DGKB: variants seen among roughly 807,000 people sequenced by gnomAD.
DGKB encodes the protein diacylglycerol kinase beta.
DGKB carries 67 observed loss-of-function variants against 114.3 expected under a neutral mutation model. The observed-to-expected ratio is 0.59, with a 90% CI of 0.48 to 0.72. The LOEUF (loss-of-function observed/expected upper bound fraction) is 0.72. DGKB is among the 30% of genes least tolerant of loss of function. The probability of loss-of-function intolerance (pLI) is 0.00; values close to 1 mark genes in which losing one functional copy is unlikely to be tolerated. For synonymous variants in DGKB, 398 were observed against 323.1 expected, an observed-to-expected ratio of 1.23 and a Z score of -2.49; for missense variants, 907 against 975.2, an observed-to-expected ratio of 0.93 and a Z score of 0.93.
At chr7:14,837,989 C>T (rs917624571) in intron 2 of DGKB, among the ~76,000 whole-genome samples, 1 of 152,102 alleles carries the variant, frequency 6.6e-6, no homozygotes, top group Admixed American at 6.5e-5. Flanking sequence ...GTTAATTTGT[C>T]TTCTCATAGA....
intron 23 of DGKB, among the ~76,000 whole-genome samples, chr7:14,198,701 C>G (rs934250947): frequency 6.6e-6 from 1 of 151,858 alleles, no homozygotes; most frequent in African/African-American, 2.4e-5. Flanking sequence ...GAAGAGATAT[C>G]AAAATATTTC....
At chr7:14,932,850 A>C (rs1469238699) in intron 1 of DGKB, among the ~76,000 whole-genome samples, 1 of 152,120 alleles carries the variant, frequency 6.6e-6, no homozygotes, top group African/African-American at 2.4e-5. Flanking sequence ...ACCTAGTGGG[A>C]GGCTGGGGGA....
intron 5 of DGKB, among the ~76,000 whole-genome samples, chr7:14,735,137 A>G (rs1831521065): frequency 6.6e-6 from 1 of 152,194 alleles, no homozygotes; most frequent in South Asian, 2.1e-4. Flanking sequence ...GCTCCCTGCT[A>G]AGCAATCTGG....
intron 20 of DGKB, among the ~76,000 whole-genome samples, chr7:14,547,929 G>A (rs1450952391): frequency 1.3e-5 from 2 of 152,106 alleles, no homozygotes; most frequent in Non-Finnish European, 2.9e-5. Context: ...TATGAAAAAT[G>A]TTTGCCACAT....
At chr7:14,592,063 G>T (rs1442648332) in intron 17 of DGKB, among the ~76,000 whole-genome samples, 2 of 151,598 alleles carry the variant, frequency 1.3e-5, no homozygotes, top group African/African-American at 4.8e-5. Context: ...GTATGGGTTA[G>T]AAATAGATTA....
chr7:14,612,489 T>C (rs537961880), intron 16 of DGKB, among the ~76,000 whole-genome samples: 1 of 152,164 alleles, frequency 6.6e-6, no homozygotes, highest in South Asian at 2.1e-4. Flanking sequence ...GATTCAATAA[T>C]GAAAAGCATT....
chr7:14,752,181 G>A lies in DGKB; in HGVS notation c.168+1747C>T, dbSNP rs149672467. On this transcript the variant is annotated intron_variant, in intron 4 of 25. Coordinates refer to ENST00000402815, the MANE Select transcript of DGKB (RefSeq NM_001350709.2). ...TTCCATAATGGAAAGGGTTGAATTT[G>A]GTTCTAGAAGGATAATTATAGATTA... Among the ~76,000 whole-genome samples the A allele has an allele frequency of 5.4e-4, 82 of 152,112 alleles. No individual in the cohort carries two copies. In the East Asian group the frequency reaches 0.011, roughly 21 times the overall value.
chr7:14,602,440 T>G (rs1157160722), intron 17 of DGKB, among the ~76,000 whole-genome samples: 1 of 152,188 alleles, frequency 6.6e-6, no homozygotes, highest in African/African-American at 2.4e-5. Flanking sequence ...CCAAAATTAA[T>G]GCTTAAAATT....
chr7:14,896,836 C>T (rs751538802), intron 1 of DGKB, among the ~76,000 whole-genome samples: 1 of 151,708 alleles, frequency 6.6e-6, no homozygotes, highest in Non-Finnish European at 1.5e-5. Flanking sequence ...AATGATGAAA[C>T]TCAATAAAAC....
At position 14,698,091 on chromosome 7, in the gene DGKB, C is replaced by T. The variant is rs766185446; in HGVS notation, c.591+4G>A. 5.9e-6 allele frequency: 9 copies of T among 1,512,948 alleles called. No individual in the cohort carries two copies. The African/African-American group carries it at 9.9e-5, about 17-fold the overall frequency. The allele number at this position is 1,512,948 out of a possible 1,614,324, so 93.7% of individuals were successfully genotyped here. A position where few individuals can be genotyped will look rare whatever the true frequency, so the allele number is the denominator to read the frequency against. ...GCCAATAGTGAAATCATTCATATACCTACTGGATTAAGTTCAGTGACATCC... is the reference window on the plus strand; with the variant it reads ...GCCAATAGTGAAATCATTCATATACTTACTGGATTAAGTTCAGTGACATCC... On this transcript the variant is annotated splice_donor_region_variant and intron_variant, in intron 8 of 25. Coordinates refer to ENST00000402815, the MANE Select transcript of DGKB (RefSeq NM_001350709.2).
Position 14,682,579 on chromosome 7 carries a change from G to C in DGKB, c.1009C>G (p.Leu337Val), listed in dbSNP as rs1165514897. The change falls in exon 12 of 26, where the codon CTG (leucine) becomes GTG (valine). Residue 337 changes from leucine (L) to valine (V), a missense_variant. Around this residue, in one of 3 missense-constraint regions of DGKB, gnomAD observed 814 missense variants for 856.6 expected, o/e 0.95. Transcript: ENST00000402815. ...TVKCYQGLTGLHCVWCQITLH... is the reference protein window; with the variant it reads ...TVKCYQGLTGVHCVWCQITLH... ...GTGATCTGACACCAAACACAATGCA[G>C]TCCTGTCAGGCCCTGGTAACATTTA... 6.2e-7 allele frequency: 1 copy of C among 1,613,038 alleles called. No individual in the cohort carries two copies. Among genetic ancestry groups the C allele is most frequent in the Admixed American group, 1.7e-5 (1 of 59,970 alleles).
intron 21 of DGKB, among the ~76,000 whole-genome samples, chr7:14,362,537 T>C (rs1259864972): frequency 6.6e-6 from 1 of 152,060 alleles, no homozygotes; most frequent in Non-Finnish European, 1.5e-5. Flanking sequence ...GCCCTCATAT[T>C]GCTTATAATT....
At position 14,211,322 on chromosome 7, in the gene DGKB, A is replaced by ACTC. The variant is rs1391182700; in HGVS notation, c.2123-33174_2123-33172dup. Among the ~76,000 whole-genome samples the ACTC allele has an allele frequency of 4.1e-3, 455 of 112,058 alleles. 15 individuals are homozygous for ACTC. The highest frequency in any genetic ancestry group is 0.018 in the African/African-American group (423 of 24,134). The allele number at this position is 112,058 out of a possible 152,430, so 73.5% of individuals were successfully genotyped here. ...TTTACTCTCATGTTTTGTGATATTT[A>ACTC]CTCTCATGTTTTGTGATTTTACTCT... is the stretch of plus-strand genomic sequence containing the variant. On this transcript the variant is annotated intron_variant, in intron 23 of 25. Transcript: ENST00000402815.
chr7:14,862,856 C>G (rs1851191839), intron 1 of DGKB, among the ~76,000 whole-genome samples: 1 of 152,024 alleles, frequency 6.6e-6, no homozygotes, highest in African/African-American at 2.4e-5. Flanking sequence ...TTATTTCAGC[C>G]ACTTTAATTC....
intron 13 of DGKB, among the ~76,000 whole-genome samples, chr7:14,641,064 G>A (rs1361683677): frequency 6.6e-6 from 1 of 152,174 alleles, no homozygotes; most frequent in Non-Finnish European, 1.5e-5. Flanking sequence ...ATATTTGGGA[G>A]CTTTTATGCC....
intron 20 of DGKB, among the ~76,000 whole-genome samples, chr7:14,504,920 G>T (rs568182554): frequency 6.6e-6 from 1 of 152,000 alleles, no homozygotes; most frequent in Non-Finnish European, 1.5e-5. Flanking sequence ...TTGTTAATTC[G>T]ATAGTCATCT....
At chr7:14,870,419 A>T (rs1386495357) in intron 1 of DGKB, among the ~76,000 whole-genome samples, 2 of 152,200 alleles carry the variant, frequency 1.3e-5, no homozygotes, top group Non-Finnish European at 2.9e-5. Flanking sequence ...TCTCTGAAAA[A>T]TTATTTTCCT....
rs530430475 is a variant in DGKB at position 14,625,740 on chromosome 7, A to G, written c.1168-4246T>C. On this transcript the variant is annotated intron_variant, in intron 14 of 25. Transcript: ENST00000402815. Reference sequence around the variant, plus strand: ...CAAAGAGTTGGAAAATTGTTGCTTTAATCAATAGAAATTATTCAAACACTG... The same window carrying G: ...CAAAGAGTTGGAAAATTGTTGCTTTGATCAATAGAAATTATTCAAACACTG... 5.3e-5 allele frequency among the ~76,000 whole-genome samples: 8 copies of G among 152,282 alleles called. No individual in the cohort carries two copies. The East Asian group carries it at 1.3e-3, about 26-fold the overall frequency.
chr7:14,284,519 C>A (rs1228748044), intron 23 of DGKB, among the ~76,000 whole-genome samples: 2 of 143,918 alleles, frequency 1.4e-5, no homozygotes, highest in East Asian at 3.9e-4. Flanking sequence ...GGGTATATAC[C>A]CAAAGGACTA....
Sources: allele counts gnomAD v4.1 joint callset (sites outside exome capture counted in the v4.1 genomes callset), GRCh38; gene constraint gnomAD v4.1.1; regional missense constraint gnomAD v4.1.1; transcripts MANE v1.5; gene names NCBI Gene and HGNC (gene_info 2026-07-23, HGNC 2026-07-21).